NRXN1: variants seen among roughly 807,000 people sequenced by gnomAD.
The protein encoded by NRXN1 is neurexin-1.
A neutral mutation model predicts 150.9 loss-of-function variants in NRXN1; 39 were observed. That is an observed-to-expected ratio of 0.26 (90% confidence interval 0.20 to 0.34). The LOEUF is 0.34. Ranked by LOEUF, NRXN1 falls within the 10% of genes least tolerant of loss-of-function variation. NRXN1 has a pLI of 1.00. For missense variants in NRXN1, 1,815 were observed against 1,949.9 expected, an observed-to-expected ratio of 0.93 and a Z score of 1.30; for synonymous variants, 924 against 757.0, an observed-to-expected ratio of 1.22 and a Z score of -3.62.
rs1223440344 is a variant in NRXN1 at position 50,026,884 on chromosome 2, T to C, written c.4128+26387A>G. 2.0e-4 allele frequency among the ~76,000 whole-genome samples: 13 copies of C among 63,478 alleles called. No homozygotes were observed. The East Asian group carries it at 4.1e-3, about 20-fold the overall frequency. The allele number at this position is 63,478 out of a possible 152,430, so 41.6% of individuals were successfully genotyped here. A position where few individuals can be genotyped will look rare whatever the true frequency, so the allele number is the denominator to read the frequency against. ...CTTTTTTTTTTTTTTTTTTTTTTTT[T>C]TTTTTTTTTTTTTTGAGACGGAGTC... On this transcript the variant is annotated intron_variant, in intron 21 of 22. Transcript: ENST00000401669.
rs1085307863 is a variant in NRXN1 at position 50,506,627 on chromosome 2, A to T, written c.2375-10T>A. On this transcript the variant is annotated splice_polypyrimidine_tract_variant and intron_variant, in intron 12 of 22. Transcript: ENST00000401669. ...GTCTCGGGACCTTTGCCTGTAGAAT[A>T]TGCCAAACAGTCATTATGGACACTC... The T allele has an allele frequency of 3.7e-6, 6 of 1,612,766 alleles. No homozygotes were observed. The highest frequency in any genetic ancestry group is 5.1e-6 in the Non-Finnish European group (6 of 1,179,156).
intron 5 of NRXN1, among the ~76,000 whole-genome samples, chr2:50,778,882 ATACATGTAATCATGTTT>A (rs1703993188): frequency 6.6e-6 from 1 of 152,200 alleles, no homozygotes; most frequent in Non-Finnish European, 1.5e-5. Context: ...AACATTTACT[ATACATGTAATCATGTTT>A]TAGAAATTAA....
intron 5 of NRXN1, among the ~76,000 whole-genome samples, chr2:50,825,820 G>A (rs1045280738): frequency 1.3e-5 from 2 of 152,144 alleles, no homozygotes; most frequent in Non-Finnish European, 2.9e-5. Context: ...TTCAACTTAA[G>A]GGATCTAACA....
rs1048743275 is a variant in NRXN1, at chr2:50,087,633, G to C, written c.3718+3690C>G. ...AGAAATGGCTTTCTCAACTTTAAAT[G>C]GTTTGTAAAATATTATCTCTGTACT... On this transcript the variant is annotated intron_variant, in intron 19 of 22. Transcript: ENST00000401669. Among the ~76,000 whole-genome samples, 3 of 152,018 alleles carry C rather than the reference G, an allele frequency of 2.0e-5. No individual in the cohort carries two copies. The East Asian group carries it at 5.8e-4, about 29-fold the overall frequency.
chr2:50,894,976 T>C (rs1406102867), intron 5 of NRXN1, among the ~76,000 whole-genome samples: 1 of 152,182 alleles, frequency 6.6e-6, no homozygotes, highest in Non-Finnish European at 1.5e-5. Flanking sequence ...ATTCCATATC[T>C]CATGCTTACA....
At chr2:49,976,098 C>A (rs1459730307) in intron 21 of NRXN1, among the ~76,000 whole-genome samples, 5 of 147,266 alleles carry the variant, frequency 3.4e-5, no homozygotes, top group African/African-American at 1.3e-4. Context: ...TCTAGACTCA[C>A]TGCAACCTCT....
chr2:50,303,389 A>G (rs568589092), intron 17 of NRXN1, among the ~76,000 whole-genome samples: 29 of 152,212 alleles, frequency 1.9e-4, no homozygotes, highest in Middle Eastern at 3.2e-3. Flanking sequence ...GGTATGGAAC[A>G]GACAAATTAA....
rs534878975 is a variant in NRXN1 at position 50,816,982 on chromosome 2, G to A, written c.832+104887C>T. On this transcript the variant is annotated intron_variant, in intron 5 of 22. Transcript: ENST00000401669. ...TTTAAAACTGTTAGGAGGACTCTCAGGCTATATAAATTACACAGGGCTCTC... is the reference window on the plus strand; with the variant it reads ...TTTAAAACTGTTAGGAGGACTCTCAAGCTATATAAATTACACAGGGCTCTC... 8.5e-5 allele frequency among the ~76,000 whole-genome samples: 13 copies of A among 152,054 alleles called. No homozygotes were observed. The East Asian group carries it at 2.3e-3, about 27-fold the overall frequency.
chr2:50,551,786 T>TTC (rs1055220044), intron 9 of NRXN1, among the ~76,000 whole-genome samples: 49 of 150,816 alleles, frequency 3.2e-4, no homozygotes, highest in South Asian at 1.7e-3. Flanking sequence ...TCTCCCTCTC[T>TTC]TCTCTCTCTC....
intron 8 of NRXN1, among the ~76,000 whole-genome samples, chr2:50,600,443 G>A (rs1016658788): frequency 3.3e-5 from 5 of 150,278 alleles, no homozygotes; most frequent in African/African-American, 9.8e-5. Context: ...TCCTGCCTCA[G>A]CTTCCCGAGT....
chr2:50,930,551 A>C (rs919367289), intron 2 of NRXN1, among the ~76,000 whole-genome samples: 2 of 152,138 alleles, frequency 1.3e-5, no homozygotes, highest in Non-Finnish European at 2.9e-5. Context: ...ATTCAATTTC[A>C]AATTTTCATG....
At chr2:50,454,721 T>C (rs2087362158) in intron 17 of NRXN1, among the ~76,000 whole-genome samples, 1 of 148,396 alleles carries the variant, frequency 6.7e-6, no homozygotes, top group Non-Finnish European at 1.5e-5. Context: ...TAACGGATCC[T>C]CCAAGACACC....
intron 8 of NRXN1, chr2:50,615,777 A>G (rs1217981486): frequency 2.0e-5 from 3 of 152,216 alleles, no homozygotes; most frequent in Admixed American, 1.3e-4. Context: ...CATCTCAGAC[A>G]CCATGATTTC....
intron 17 of NRXN1, among the ~76,000 whole-genome samples, chr2:50,401,749 A>AT (rs200863662): frequency 0.011 from 1,653 of 152,230 alleles, 35 homozygotes; most frequent in African/African-American, 0.036. Context: ...ATTTTATTTT[A>AT]TTTTATTTTT....
intron 2 of NRXN1, among the ~76,000 whole-genome samples, chr2:50,989,108 A>G (rs1698160435): frequency 6.6e-6 from 1 of 151,988 alleles, no homozygotes; most frequent in Admixed American, 6.6e-5. Flanking sequence ...TAAATTGGCA[A>G]ATTTATCCCA....
intron 5 of NRXN1, among the ~76,000 whole-genome samples, chr2:50,749,878 C>T (rs1479342920): frequency 1.3e-5 from 2 of 152,040 alleles, no homozygotes; most frequent in Non-Finnish European, 2.9e-5. Flanking sequence ...ATGGAGATAT[C>T]TTAACTACCC....
At position 50,618,762 on chromosome 2, in the gene NRXN1, TATAATAATA is replaced by T. The variant is rs558881112; in HGVS notation, c.1320+1251_1320+1259del. ...ATAACAGCTCTGGAAATATTAGTAC[TATAATAATA>T]ATAATAATAAATAATAATAATAATA... On this transcript the variant is annotated intron_variant, in intron 8 of 22. Transcript: ENST00000401669. Among the ~76,000 whole-genome samples, 6 of 149,776 alleles carry T rather than the reference TATAATAATA, an allele frequency of 4.0e-5. No homozygotes were observed. In the South Asian group the frequency reaches 1.3e-3, roughly 31 times the overall value.
At chr2:49,997,607 A>AT (rs1683210235) in intron 21 of NRXN1, among the ~76,000 whole-genome samples, 1 of 152,090 alleles carries the variant, frequency 6.6e-6, no homozygotes, top group Non-Finnish European at 1.5e-5. Context: ...TCCTTTATTC[A>AT]TTTTTATCCT....
At chr2:50,082,353 A>C (rs893407259) in intron 19 of NRXN1, among the ~76,000 whole-genome samples, 1 of 152,198 alleles carries the variant, frequency 6.6e-6, no homozygotes, top group East Asian at 1.9e-4. Flanking sequence ...ACCCTTCATT[A>C]TGATAAGAAC....
Sources: gnomAD v4.1 joint callset for allele counts (sites outside exome capture counted in the v4.1 genomes callset) on GRCh38, gnomAD v4.1.1 for gene constraint, MANE v1.5 for transcripts, NCBI Gene and HGNC (gene_info 2026-07-23, HGNC 2026-07-21) for gene names.